The following DGKI variants were observed in gnomAD, a reference collection of about 807,000 sequenced individuals.
DGKI encodes DAG kinase iota.
DGKI carries 55 observed loss-of-function variants against 147.5 expected under a neutral mutation model. The ratio of observed to expected loss-of-function variants is 0.37; its 90% confidence interval spans 0.30 to 0.47. DGKI has a LOEUF of 0.47. Ranked by LOEUF, DGKI falls within the 20% of genes least tolerant of loss-of-function variation. DGKI has a pLI of 1.00. For synonymous variants in DGKI, 469 were observed against 477.1 expected (o/e 0.98, Z 0.22); for missense variants, 1,007 against 1,323.8 (o/e 0.76, Z 3.71).
At chr7:137,524,287 C>T (rs1334952730) in intron 20 of DGKI, among the ~76,000 whole-genome samples, 2 of 152,224 alleles carry the variant, frequency 1.3e-5, no homozygotes, top group African/African-American at 4.8e-5. Flanking sequence ...GGAGTTTGCA[C>T]ATGCAAGAGA....
chr7:137,485,941 A>T (rs1198255911), intron 22 of DGKI, among the ~76,000 whole-genome samples: 1 of 152,132 alleles, frequency 6.6e-6, no homozygotes, highest in Non-Finnish European at 1.5e-5. Context: ...ACATTATCAC[A>T]AAGTGCAAAT....
intron 21 of DGKI, among the ~76,000 whole-genome samples, chr7:137,493,001 T>G (rs571903811): frequency 6.6e-6 from 1 of 152,068 alleles, no homozygotes; most frequent in Non-Finnish European, 1.5e-5. Flanking sequence ...TTTGCTGGCA[T>G]GCACTCATCC....
At chr7:137,422,282 C>T (rs113331525) in intron 28 of DGKI, among the ~76,000 whole-genome samples, 512 of 152,306 alleles carry the variant, frequency 3.4e-3, no homozygotes, top group Non-Finnish European at 5.9e-3. Flanking sequence ...GTGTAACATA[C>T]ATGACGCCAG....
At chr7:137,719,082 A>G (rs1794469719) in intron 1 of DGKI, among the ~76,000 whole-genome samples, 1 of 152,194 alleles carries the variant, frequency 6.6e-6, no homozygotes, top group African/African-American at 2.4e-5. Context: ...ATGACTCTGA[A>G]ATGTAAACAG....
intron 1 of DGKI, among the ~76,000 whole-genome samples, chr7:137,817,584 A>G (rs921689509): frequency 9.2e-5 from 14 of 152,202 alleles, no homozygotes; most frequent in African/African-American, 3.4e-4. Context: ...CCTTCCCCCA[A>G]TACAGTCCTA....
At chr7:137,429,739 C>T (rs1371209989) in intron 28 of DGKI, among the ~76,000 whole-genome samples, 7 of 141,978 alleles carry the variant, frequency 4.9e-5, no homozygotes, top group South Asian at 2.4e-4. Flanking sequence ...AAAAAGTGGG[C>T]GAAGGACATG....
At chr7:137,654,137 G>A (rs567367873) in intron 5 of DGKI, among the ~76,000 whole-genome samples, 8 of 152,194 alleles carry the variant, frequency 5.3e-5, no homozygotes, top group South Asian at 4.2e-4. Flanking sequence ...TTATCTTCAC[G>A]ACCAGACTGG....
intron 1 of DGKI, among the ~76,000 whole-genome samples, chr7:137,796,296 A>G (rs1047863848): frequency 6.6e-6 from 1 of 152,120 alleles, no homozygotes; most frequent in Non-Finnish European, 1.5e-5. Flanking sequence ...TCAAGAGTTC[A>G]AGACCAGCCT....
intron 1 of DGKI, among the ~76,000 whole-genome samples, chr7:137,726,356 C>A (rs1243749291): frequency 2.0e-5 from 3 of 152,196 alleles, no homozygotes; most frequent in Non-Finnish European, 4.4e-5. Flanking sequence ...TGATCGATTT[C>A]TCCTGTCCTC....
At chr7:137,807,449 G>A (rs888142614) in intron 1 of DGKI, among the ~76,000 whole-genome samples, 4 of 152,212 alleles carry the variant, frequency 2.6e-5, no homozygotes, top group African/African-American at 7.2e-5. Context: ...TAAGCCTACA[G>A]TGGAAGTGCA....
At chr7:137,600,026 G>A (rs1819933121) in intron 10 of DGKI, 121 bp from the exon 11 acceptor site, 3 of 845,212 alleles carry the variant, frequency 3.5e-6, no homozygotes, top group Non-Finnish European at 5.5e-6. Context: ...GCACACGCCT[G>A]TAATCCCAGC....
rs928225308 is a variant in DGKI, at chr7:137,709,339, C to T, written c.402-19337G>A. The stretch of plus-strand genomic sequence containing the variant: ...GAGGAGAGAGGATACAGTCAGCATA[C>T]AGTCAACAGTATACATACATTTATA... On this transcript the variant is annotated intron_variant, in intron 1 of 32. Coordinates refer to ENST00000614521, the MANE Select transcript of DGKI (RefSeq NM_001321708.2). 5.7e-4 allele frequency among the ~76,000 whole-genome samples: 86 copies of T among 152,002 alleles called. 6 individuals are homozygous for T. Among genetic ancestry groups the T allele is most frequent in the South Asian group, 2.1e-4 (1 of 4,824 alleles).
At chr7:137,610,560 G>A (rs936010827) in intron 8 of DGKI, among the ~76,000 whole-genome samples, 3 of 152,134 alleles carry the variant, frequency 2.0e-5, no homozygotes, top group Non-Finnish European at 4.4e-5. Flanking sequence ...TCTTTAAAAG[G>A]CAAGATATTA....
chr7:137,554,093 C>A (rs997414725), intron 19 of DGKI, among the ~76,000 whole-genome samples: 2 of 152,168 alleles, frequency 1.3e-5, no homozygotes, highest in African/African-American at 2.4e-5. Flanking sequence ...ACTGTCAATG[C>A]CGCCCCTACC....
At chr7:137,405,172 G>A (rs1164469191) in intron 30 of DGKI, among the ~76,000 whole-genome samples, 2 of 152,144 alleles carry the variant, frequency 1.3e-5, no homozygotes, top group Non-Finnish European at 2.9e-5. Context: ...GAGTTCTGCT[G>A]TTTTCATTTT....
chr7:137,843,795 A>T (rs1554488535), intron 1 of DGKI, among the ~76,000 whole-genome samples: 1 of 141,798 alleles, frequency 7.1e-6, no homozygotes, highest in Non-Finnish European at 1.6e-5. Context: ...ACACACACAC[A>T]CCCTCTCTCC....
intron 1 of DGKI, among the ~76,000 whole-genome samples, 170 bp from the exon 2 acceptor site, chr7:137,690,172 C>A (rs1275577552): frequency 1.3e-5 from 2 of 152,082 alleles, no homozygotes; most frequent in Non-Finnish European, 2.9e-5. Flanking sequence ...GCATGGTGTC[C>A]AAAGAGGGTG....
At chr7:137,641,478 T>C (rs956715186) in intron 6 of DGKI, among the ~76,000 whole-genome samples, 8 of 152,188 alleles carry the variant, frequency 5.3e-5, no homozygotes, top group African/African-American at 1.9e-4. Flanking sequence ...CCTGACCTCA[T>C]GTGATAGCTC....
chr7:137,424,836 A>T (rs1812724078), intron 28 of DGKI, among the ~76,000 whole-genome samples: 1 of 151,958 alleles, frequency 6.6e-6, no homozygotes, highest in African/African-American at 2.4e-5. Flanking sequence ...AGACTGGGGG[A>T]GGGGCACCCG....
Sources: allele counts gnomAD v4.1 joint callset (sites outside exome capture counted in the v4.1 genomes callset), GRCh38; gene constraint gnomAD v4.1.1; transcripts MANE v1.5; gene names NCBI Gene and HGNC (gene_info 2026-07-23, HGNC 2026-07-21).